The following ATP2C1 variants were observed in gnomAD, a reference collection of about 807,000 sequenced individuals.
ATP2C1 encodes ATPase secretory pathway Ca2+ transporting 1.
A neutral mutation model predicts 120.5 loss-of-function variants in ATP2C1; 31 were observed. The ratio of observed to expected loss-of-function variants is 0.26; its 90% CI spans 0.19 to 0.35. The LOEUF (loss-of-function observed/expected upper bound fraction) is 0.35, where lower values mean the gene tolerates loss of function less well. Ranked by LOEUF, ATP2C1 falls within the 10% of genes least tolerant of loss-of-function variation. ATP2C1 has a pLI of 1.00. For missense variants in ATP2C1, 731 were observed against 1,107.5 expected (o/e 0.66, Z 4.83); for synonymous variants, 351 against 358.7 (o/e 0.98, Z 0.24).
chr3:130,909,802 T>C (rs979133141), intron 2 of ATP2C1, among the ~76,000 whole-genome samples: 3 of 152,138 alleles, frequency 2.0e-5, no homozygotes, highest in African/African-American at 7.2e-5. Flanking sequence ...TTGTAGAGCC[T>C]TAGCATCTGG....
Position 130,933,490 on chromosome 3 carries a change from A to G in ATP2C1, c.235-1132A>G, listed in dbSNP as rs2059538986. Reference sequence around the variant, plus strand: ...GTATAAGGTTCTGTTTTACCAGATGAAGAATCTGGAGCTTAAAAAGATTAA... The same window carrying G: ...GTATAAGGTTCTGTTTTACCAGATGGAGAATCTGGAGCTTAAAAAGATTAA... On this transcript the variant is annotated intron_variant, in intron 4 of 27. Transcript: ENST00000510168. Among the ~76,000 whole-genome samples, 6 of 152,182 alleles carry G rather than the reference A, an allele frequency of 3.9e-5. No homozygotes were observed. The South Asian group carries it at 1.2e-3, about 31-fold the overall frequency.
At chr3:130,902,604 A>G (rs149030132) in intron 2 of ATP2C1, among the ~76,000 whole-genome samples, 41 of 151,978 alleles carry the variant, frequency 2.7e-4, no homozygotes, top group African/African-American at 9.2e-4. Flanking sequence ...CAATTTTACT[A>G]TTCTTTGAAA....
chr3:130,876,686 T>C (rs902119602), intron 1 of ATP2C1, among the ~76,000 whole-genome samples: 1 of 152,152 alleles, frequency 6.6e-6, no homozygotes, highest in Non-Finnish European at 1.5e-5. Context: ...GGAAATGCAT[T>C]GAATCTGTAG....
At chr3:130,859,282 G>C (rs1432290730) in intron 1 of ATP2C1, among the ~76,000 whole-genome samples, 2 of 152,208 alleles carry the variant, frequency 1.3e-5, no homozygotes, top group Non-Finnish European at 2.9e-5. Context: ...AATGCCTTTG[G>C]TGATTAGAGT....
At chr3:130,878,144 G>A (rs377155694) in intron 1 of ATP2C1, among the ~76,000 whole-genome samples, 1 of 110,542 alleles carries the variant, frequency 9.0e-6, no homozygotes. Context: ...GTCGTGGGGT[G>A]GGGGGAGGGG....
chr3:130,960,641 A>G (rs529561379), intron 12 of ATP2C1, among the ~76,000 whole-genome samples: 1 of 152,192 alleles, frequency 6.6e-6, no homozygotes, highest in Non-Finnish European at 1.5e-5. Flanking sequence ...AATCAAATCC[A>G]GAAGGGGAAG....
intron 1 of ATP2C1, among the ~76,000 whole-genome samples, chr3:130,867,190 A>G (rs2068206593): frequency 6.6e-6 from 1 of 152,152 alleles, no homozygotes; most frequent in Non-Finnish European, 1.5e-5. Flanking sequence ...TTGGGACACA[A>G]TAGTACTGAA....
chr3:130,884,932 T>TTTC (rs1001358376), intron 1 of ATP2C1, among the ~76,000 whole-genome samples: 4 of 116,042 alleles, frequency 3.4e-5, no homozygotes, highest in African/African-American at 1.1e-4. Flanking sequence ...TTTTCTTTCT[T>TTTC]TTTTTTTTTT....
chr3:130,898,849 G>T (rs1032441412), intron 2 of ATP2C1, among the ~76,000 whole-genome samples: 1 of 152,122 alleles, frequency 6.6e-6, no homozygotes, highest in Non-Finnish European at 1.5e-5. Context: ...TTTTAAAGGT[G>T]CCAGGAACAC....
chr3:130,850,803 C>T, exon 1 of ATP2C1: 1 of 1,282,018 alleles, frequency 7.8e-7, no homozygotes, highest in Non-Finnish European at 1.0e-6. Flanking sequence ...AGACAAGGAC[C>T]CTCTTGCTTT....
chr3:130,946,926 A>T lies in ATP2C1; in HGVS notation c.531+5227A>T, dbSNP rs538469331. On this transcript the variant is annotated intron_variant, in intron 8 of 27. Transcript: ENST00000510168. ...TTGAAAACCATGTACAGCACATTGTATCAGGCTTCAGGGCTTAGAAGTGAA... is the reference window on the plus strand; with the variant it reads ...TTGAAAACCATGTACAGCACATTGTTTCAGGCTTCAGGGCTTAGAAGTGAA... Among the ~76,000 whole-genome samples the T allele has an allele frequency of 2.0e-5, 3 of 152,358 alleles. No homozygotes were observed. In the South Asian group the frequency reaches 6.2e-4, roughly 32 times the overall value.
intron 12 of ATP2C1, chr3:130,962,926 A>G (rs1480839290): frequency 6.6e-6 from 1 of 151,868 alleles, no homozygotes; most frequent in African/African-American, 2.4e-5. Flanking sequence ...GAAAAAGTCA[A>G]TTACGGTTAT....
At chr3:131,016,389 G>A (rs2063635952) in exon 27 of ATP2C1, 1 of 1,595,508 alleles carries the variant, frequency 6.3e-7, no homozygotes, top group African/African-American at 1.3e-5. Context: ...CACTGTAACA[G>A]CTTTTCATTT....
chr3:131,002,136 CTGAT>C lies in ATP2C1; in HGVS notation c.*789_*792del, dbSNP rs996353737. ...GTCATAGAGTCAAAAACATTTAAGA[CTGAT>C]TGGGTTGAAGTTTATAATAAATTAT... On this transcript the variant is annotated 3_prime_UTR_variant, in exon 28 of 28. Transcript: ENST00000510168. The C allele has an allele frequency of 3.6e-5, 35 of 984,116 alleles. No individual in the cohort carries two copies. The highest frequency in any genetic ancestry group is 6.2e-5 in the Admixed American group (1 of 16,246). The allele number at this position is 984,116 out of a possible 1,614,324, so 61.0% of individuals were successfully genotyped here.
At chr3:130,909,389 A>G (rs1381220288) in intron 2 of ATP2C1, among the ~76,000 whole-genome samples, 2 of 152,218 alleles carry the variant, frequency 1.3e-5, no homozygotes, top group African/African-American at 4.8e-5. Flanking sequence ...AACATATCTT[A>G]AAATATTTGA....
chr3:130,877,437 T>C (rs1409334193), intron 1 of ATP2C1, among the ~76,000 whole-genome samples: 2 of 152,126 alleles, frequency 1.3e-5, no homozygotes, highest in South Asian at 2.1e-4. Context: ...TAAACAAATT[T>C]ACAAGAAAAA....
In ATP2C1 at chr3:130,953,076, CGTATGTATGTATGTAT is replaced by C. The variant is rs10576619; in HGVS notation, c.532-720_532-705del. On this transcript the variant is annotated intron_variant, in intron 8 of 27. Coordinates refer to ENST00000510168, the MANE Select transcript of ATP2C1 (RefSeq NM_001378687.1). ...GCCCTAGTCCTCTCCCTCACTTGTT[CGTATGTATGTATGTAT>C]GTATGTATGTATGTATGTATGTATA... Among the ~76,000 whole-genome samples, 12 of 149,224 alleles carry C rather than the reference CGTATGTATGTATGTAT, an allele frequency of 8.0e-5. No homozygotes were observed. In the South Asian group the frequency reaches 1.3e-3, roughly 16 times the overall value.
Position 130,996,070 on chromosome 3 carries a change from T to G in ATP2C1, c.2085T>G (p.Ile695Met). 6.2e-7 allele frequency: 1 copy of G among 1,610,842 alleles called. No individual in the cohort carries two copies. The highest frequency in any genetic ancestry group is 8.5e-7 in the Non-Finnish European group (1 of 1,177,198). Residue 695 changes from isoleucine (I) to methionine (M), a missense_variant, in exon 23 of 28, where the codon ATT (isoleucine) becomes ATG (methionine). By Grantham distance (10) the Ile-to-Met change is conservative. This residue lies in a region of ATP2C1 where 571 missense variants were observed against 845.9 expected (regional missense o/e 0.67). Coordinates refer to ENST00000510168, the MANE Select transcript of ATP2C1 (RefSeq NM_001378687.1). ...IMSAIEEGKG[I>M]YNNIKNFVRF... ...CTGCAATCGAAGAGGGTAAAGGGAT[T>G]TATAATAACATTAAAAATTTCGTTA...
chr3:130,877,554 G>T (rs189286980), intron 1 of ATP2C1, among the ~76,000 whole-genome samples: 3 of 152,156 alleles, frequency 2.0e-5, no homozygotes, highest in Admixed American at 1.3e-4. Context: ...ATCATCACTG[G>T]ACATCAGAGA....
Sources: allele counts gnomAD v4.1 joint callset (sites outside exome capture counted in the v4.1 genomes callset), GRCh38; gene constraint gnomAD v4.1.1; regional missense constraint gnomAD v4.1.1; transcripts MANE v1.5; gene names NCBI Gene and HGNC (gene_info 2026-07-23, HGNC 2026-07-21).